The following NVL variants were observed in gnomAD, a reference collection of about 807,000 sequenced individuals.
The protein encoded by NVL is nuclear valosin-containing protein-like.
In NVL, 84 loss-of-function variants were observed where a neutral mutation model predicts 110.2. The observed-to-expected ratio is 0.76, with a 90% CI of 0.64 to 0.91. The LOEUF (loss-of-function observed/expected upper bound fraction) is 0.91. Among genes scored for constraint, NVL ranks in the 40% least tolerant of loss-of-function variants. NVL has a pLI of 0.00. For synonymous variants in NVL, 354 were observed against 361.1 expected, an observed-to-expected ratio of 0.98 and a Z score of 0.22; for missense variants, 882 against 1,035.9, an observed-to-expected ratio of 0.85 and a Z score of 2.04.
intron 17 of NVL, among the ~76,000 whole-genome samples, chr1:224,268,812 C>G (rs574103827): frequency 6.6e-6 from 1 of 152,008 alleles, no homozygotes; most frequent in African/African-American, 2.4e-5. Context: ...GCGTATGCCA[C>G]GATGCCTGGC....
At chr1:224,280,996 C>T in intron 16 of NVL, 127 bp downstream of exon 16, 1 of 816,926 alleles carries the variant, frequency 1.2e-6, no homozygotes, top group Non-Finnish European at 2.0e-6. Flanking sequence ...CCTCCTCACT[C>T]CTACAGCACT....
chr1:224,261,342 C>A (rs909858260), intron 18 of NVL, among the ~76,000 whole-genome samples: 6 of 152,102 alleles, frequency 3.9e-5, no homozygotes, highest in African/African-American at 9.7e-5. Flanking sequence ...GCATAGAAGG[C>A]AGAAACTCTT....
chr1:224,228,120 T>G (rs1659394567), intron 22 of NVL: 1 of 152,260 alleles, frequency 6.6e-6, no homozygotes, highest in Non-Finnish European at 1.5e-5. Context: ...TTTACCTTCC[T>G]GCATCTAAAT....
At chr1:224,235,360 G>T (rs1660346202) in intron 20 of NVL, among the ~76,000 whole-genome samples, 2 of 151,846 alleles carry the variant, frequency 1.3e-5, no homozygotes, top group South Asian at 4.2e-4. Flanking sequence ...TAGAGACAAG[G>T]TTTCACCATG....
At chr1:224,299,839 T>A (rs1292783859) in intron 10 of NVL, among the ~76,000 whole-genome samples, 1 of 152,232 alleles carries the variant, frequency 6.6e-6, no homozygotes, top group Non-Finnish European at 1.5e-5. Context: ...AAAATGTTTT[T>A]TTTTTCTCAA....
intron 17 of NVL, among the ~76,000 whole-genome samples, chr1:224,271,492 C>T (rs1408676313): frequency 6.6e-6 from 1 of 151,840 alleles, no homozygotes; most frequent in Non-Finnish European, 1.5e-5. Flanking sequence ...GACCCTGTCT[C>T]AAACAACAGC....
intron 21 of NVL, 71 bp downstream of exon 21, chr1:224,233,130 G>T (rs1558230129): frequency 3.1e-6 from 4 of 1,281,778 alleles, no homozygotes; most frequent in East Asian, 4.7e-5. Flanking sequence ...ACTAGAAAAT[G>T]GTCATTTTCC....
At chr1:224,233,781 A>C (rs1161611879) in intron 20 of NVL, among the ~76,000 whole-genome samples, 1 of 152,138 alleles carries the variant, frequency 6.6e-6, no homozygotes, top group Non-Finnish European at 1.5e-5. Context: ...AAAACAAAAA[A>C]AAACTAAACT....
chr1:224,227,524 G>GA lies in NVL; in HGVS notation c.*101dup. 1.1e-6 allele frequency: 1 copy of GA among 905,194 alleles called. No homozygotes were observed. The highest frequency in any genetic ancestry group is 2.2e-5 in the South Asian group (1 of 44,866). 56.1% of individuals were successfully genotyped at this position (905,194 alleles called of 1,614,324 possible). Reference sequence around the variant, plus strand: ...TCATTTGAAAATAAAATGTTTACATGAGGCCGCGCCTGTGTCCAGCTGAAA... The same window carrying GA: ...TCATTTGAAAATAAAATGTTTACATGAAGGCCGCGCCTGTGTCCAGCTGAAA... On this transcript the variant is annotated 3_prime_UTR_variant, in exon 23 of 23. Transcript: ENST00000281701.
At chr1:224,292,667 CAT>C (rs1357589872) in intron 12 of NVL, among the ~76,000 whole-genome samples, 2 of 152,170 alleles carry the variant, frequency 1.3e-5, no homozygotes. Context: ...CCCAGTCTCA[CAT>C]GTCTGAGCTT....
chr1:224,314,235 T>C (rs1303865164), intron 4 of NVL, among the ~76,000 whole-genome samples: 2 of 152,144 alleles, frequency 1.3e-5, no homozygotes, highest in African/African-American at 4.8e-5. Flanking sequence ...CATAAAAAAG[T>C]GATGTGTACA....
intron 17 of NVL, among the ~76,000 whole-genome samples, chr1:224,269,241 C>G (rs1324115239): frequency 6.6e-6 from 1 of 152,092 alleles, no homozygotes; most frequent in African/African-American, 2.4e-5. Context: ...GTGTGTGTCA[C>G]CACGCCTGGC....
intron 1 of NVL, among the ~76,000 whole-genome samples, 180 bp from the exon 2 acceptor site, chr1:224,326,644 A>G (rs1048069693): frequency 2.0e-5 from 3 of 152,208 alleles, no homozygotes; most frequent in African/African-American, 7.2e-5. Flanking sequence ...AGAAAATTTA[A>G]TTAACATTAT....
At chr1:224,251,993 T>A (rs1662563821) in intron 18 of NVL, among the ~76,000 whole-genome samples, 1 of 152,182 alleles carries the variant, frequency 6.6e-6, no homozygotes, top group African/African-American at 2.4e-5. Context: ...GCAGAATGAA[T>A]CCTCCAGCTG....
At chr1:224,237,817 G>T (rs1050684802) in intron 19 of NVL, among the ~76,000 whole-genome samples, 2 of 150,408 alleles carry the variant, frequency 1.3e-5, no homozygotes, top group Admixed American at 1.3e-4. Flanking sequence ...GGAGCGATGG[G>T]GTGGCGTGTG....
rs188427269 is a variant in NVL, at chr1:224,304,841, G to T, written c.749-29C>A. On this transcript the variant is annotated intron_variant, in intron 7 of 22. Transcript: ENST00000281701. ...GTAAACAAAAATGAGGAGATGAAAA[G>T]ATTAATGATTCAGTAGTAACTCATA... is the stretch of plus-strand genomic sequence containing the variant. 8,107 of 1,579,946 alleles carry T rather than the reference G, an allele frequency of 5.1e-3. 67 individuals carry two copies. Among genetic ancestry groups the T allele is most frequent in the Middle Eastern group, 0.022 (130 of 5,992 alleles).
chr1:224,323,554 G>A (rs1031190378), intron 2 of NVL, among the ~76,000 whole-genome samples: 8 of 152,148 alleles, frequency 5.3e-5, no homozygotes, highest in East Asian at 3.9e-4. Flanking sequence ...TGAAGGGACC[G>A]AGATGGGGAC....
Position 224,236,587 on chromosome 1 carries a change from G to A in NVL, c.2290-5C>T, listed in dbSNP as rs1660500758. The A allele has an allele frequency of 1.2e-6, 2 of 1,611,202 alleles. No individual in the cohort carries two copies. Among genetic ancestry groups the A allele is most frequent in the South Asian group, 1.1e-5 (1 of 91,024 alleles). ...CAGTGGTGGTTTGGTACCATTCTAAGTAAGAGAGAAAAATGATTTTTCATT... is the reference window on the plus strand; with the variant it reads ...CAGTGGTGGTTTGGTACCATTCTAAATAAGAGAGAAAAATGATTTTTCATT... On this transcript the variant is annotated splice_polypyrimidine_tract_variant and splice_region_variant and intron_variant, in intron 19 of 22. Coordinates refer to ENST00000281701, the MANE Select transcript of NVL (RefSeq NM_002533.4).
intron 13 of NVL, among the ~76,000 whole-genome samples, chr1:224,288,685 C>CT (rs1306089556): frequency 6.6e-6 from 1 of 152,102 alleles, no homozygotes; most frequent in Non-Finnish European, 1.5e-5. Context: ...AAAGTAGAGG[C>CT]TGTATGGGCT....
Sources: allele counts gnomAD v4.1 joint callset (sites outside exome capture counted in the v4.1 genomes callset), GRCh38; gene constraint gnomAD v4.1.1; transcripts MANE v1.5; gene names NCBI Gene and HGNC (gene_info 2026-07-23, HGNC 2026-07-21).